Variants in ZNF333 observed in about 807,000 individuals in gnomAD.
The protein encoded by ZNF333 is zinc finger protein 333.
ZNF333 carries 61 observed loss-of-function variants against 76.1 expected under a neutral mutation model. The observed-to-expected ratio is 0.80, with a 90% confidence interval of 0.65 to 0.99. ZNF333 has a LOEUF of 0.99. Ranked by LOEUF, ZNF333 falls within the 50% of genes least tolerant of loss-of-function variation. The pLI is 0.00. For synonymous variants in ZNF333, 284 were observed against 305.0 expected (o/e 0.93, Z 0.72); for missense variants, 717 against 822.4 (o/e 0.87, Z 1.57).
chr19:14,706,487 C>T (rs2042113943), intron 6 of ZNF333, 199 bp from the exon 7 acceptor site: 1 of 586,940 alleles, frequency 1.7e-6, no homozygotes. Flanking sequence ...GCCCTCTCTC[C>T]AGGCCATTTT....
At chr19:14,716,944 CA>C in intron 9 of ZNF333, 49 bp from the exon 10 acceptor site, 1 of 1,532,628 alleles carries the variant, frequency 6.5e-7, no homozygotes. Context: ...GCCCTGGTGT[CA>C]GGGCATGGCA....
intron 8 of ZNF333, 53 bp downstream of exon 8, chr19:14,715,523 C>A: frequency 6.5e-7 from 1 of 1,540,676 alleles, no homozygotes; most frequent in Non-Finnish European, 8.9e-7. Context: ...AAAGGCTGGA[C>A]TTACCTTCTT....
At chr19:14,693,357 G>T in intron 1 of ZNF333, 94 bp from the exon 2 acceptor site, 1 of 905,314 alleles carries the variant, frequency 1.1e-6, no homozygotes, top group Non-Finnish European at 1.6e-6. Context: ...TGTCCTGTAA[G>T]GGTTTTGATT....
intron 4 of ZNF333, among the ~76,000 whole-genome samples, chr19:14,698,005 C>T (rs987261188): frequency 6.6e-6 from 1 of 152,172 alleles, no homozygotes; most frequent in Non-Finnish European, 1.5e-5. Flanking sequence ...TCATTTTCCC[C>T]TCATTCCTAT....
intron 5 of ZNF333, among the ~76,000 whole-genome samples, chr19:14,704,050 C>G (rs563531740): frequency 6.6e-6 from 1 of 152,292 alleles, no homozygotes; most frequent in South Asian, 2.1e-4. Context: ...CCTGAGGACT[C>G]TCTCCTTGGC....
chr19:14,702,244 A>T (rs1457054694), intron 5 of ZNF333, among the ~76,000 whole-genome samples: 1 of 152,182 alleles, frequency 6.6e-6, no homozygotes, highest in East Asian at 1.9e-4. Flanking sequence ...AGCCAGGCAC[A>T]GGGCCTCACC....
At chr19:14,729,340 G>A (rs1405767922) in intron 11 of ZNF333, among the ~76,000 whole-genome samples, 1 of 151,952 alleles carries the variant, frequency 6.6e-6, no homozygotes, top group Admixed American at 6.6e-5. Flanking sequence ...GGGTTGGGGA[G>A]ATGTTGGTCA....
intron 4 of ZNF333, 26 bp from the exon 5 acceptor site, chr19:14,699,173 T>C (rs1973500231): frequency 6.3e-7 from 1 of 1,581,546 alleles, no homozygotes; most frequent in Non-Finnish European, 8.7e-7. Context: ...CTGAAAGGAG[T>C]TCATTTTTTC....
At position 14,699,330 on chromosome 19, in the gene ZNF333, GA is replaced by G. The variant is rs754785847; in HGVS notation, c.306+51del. 6 of 1,517,976 alleles carry G rather than the reference GA, an allele frequency of 4.0e-6. No homozygotes were observed. The African/African-American group carries it at 8.2e-5, about 21-fold the overall frequency. 94.0% of individuals were successfully genotyped at this position (1,517,976 alleles called of 1,614,324 possible). On this transcript the variant is annotated intron_variant, in intron 5 of 11. Coordinates refer to ENST00000292530, the MANE Select transcript of ZNF333 (RefSeq NM_032433.4). ...GGCTCCCAGCATGGGAGAAGTTGAG[GA>G]ACACGTGAGGTGGAAATACAGGACC...
At chr19:14,728,642 G>A (rs980092067) in intron 11 of ZNF333, among the ~76,000 whole-genome samples, 2 of 152,166 alleles carry the variant, frequency 1.3e-5, no homozygotes, top group Non-Finnish European at 2.9e-5. Context: ...GACCTATGAC[G>A]ACAATGGAAA....
At position 14,716,976 on chromosome 19, in the gene ZNF333, T is replaced by C. The variant is rs750837730; in HGVS notation, c.728-18T>C. On this transcript the variant is annotated intron_variant, in intron 9 of 11. Coordinates refer to ENST00000292530, the MANE Select transcript of ZNF333 (RefSeq NM_032433.4). ...TGGCACAGTCCTCGCACAACATGTG[T>C]TTTTTTCTCATGAGCAGCTGATCAA... 6.9e-6 allele frequency: 11 copies of C among 1,602,732 alleles called. No homozygotes were observed. The highest frequency in any genetic ancestry group is 1.1e-5 in the South Asian group (1 of 89,318).
At chr19:14,727,807 C>T (rs2147045057) in intron 11 of ZNF333, among the ~76,000 whole-genome samples, 1 of 152,254 alleles carries the variant, frequency 6.6e-6, no homozygotes, top group South Asian at 2.1e-4. Context: ...CACCTTATAC[C>T]CTCTTGCCCA....
At chr19:14,700,583 G>A (rs780241142) in intron 5 of ZNF333, among the ~76,000 whole-genome samples, 15 of 152,166 alleles carry the variant, frequency 9.9e-5, no homozygotes, top group Non-Finnish European at 1.8e-4. Context: ...TACATTAATA[G>A]TACAGGAGAA....
In ZNF333 at chr19:14,715,432, G is replaced by A. The variant is rs780131912; in HGVS notation, c.562G>A (p.Glu188Lys). 4.3e-6 allele frequency: 7 copies of A among 1,614,104 alleles called. 1 individual carries two copies. The South Asian group carries it at 6.6e-5, about 15-fold the overall frequency. Reference protein sequence around the residue: ...AWLQEDKVEEEAMAPGLPTAC... With the variant: ...AWLQEDKVEEKAMAPGLPTAC... ...GCTTCAGGAGGACAAAGTGGAGGAA[G>A]AAGCTATGGCTCCTGGGCTGCCAAC... is the stretch of plus-strand genomic sequence containing the variant. Residue 188 changes from glutamate (E) to lysine (K), a missense_variant, in exon 8 of 12, where the codon GAA (glutamate) becomes AAA (lysine). Physicochemically the swap from Glu to Lys is moderately conservative, Grantham distance 56 (BLOSUM62 1). Transcript: ENST00000292530.
chr19:14,699,390 C>T, intron 5 of ZNF333, 109 bp downstream of exon 5: 2 of 956,128 alleles, frequency 2.1e-6, no homozygotes, highest in Non-Finnish European at 3.3e-6. Flanking sequence ...ATGGGTGTCT[C>T]TTGGAAGGGA....
intron 11 of ZNF333, among the ~76,000 whole-genome samples, chr19:14,727,696 C>T (rs2042642612): frequency 6.6e-6 from 1 of 152,140 alleles, no homozygotes; most frequent in Admixed American, 6.5e-5. Context: ...ATATCATGTA[C>T]CTATTAGTTA....
At chr19:14,702,452 C>A (rs566143509) in intron 5 of ZNF333, among the ~76,000 whole-genome samples, 1 of 152,184 alleles carries the variant, frequency 6.6e-6, no homozygotes, top group African/African-American at 2.4e-5. Flanking sequence ...CCCAGGAATT[C>A]AAGGCTGCAG....
At chr19:14,700,665 A>G (rs2041930054) in intron 5 of ZNF333, among the ~76,000 whole-genome samples, 1 of 152,102 alleles carries the variant, frequency 6.6e-6, no homozygotes, top group Non-Finnish European at 1.5e-5. Flanking sequence ...AGGACCTTCC[A>G]AAGTTTGAGT....
At position 14,715,488 on chromosome 19, in the gene ZNF333, G is replaced by A. The variant is rs2042404128; in HGVS notation, c.600+18G>A. ...GTTCACAGGTAGGTAAGAACTTCTTGTTCTAAAAGAACACTGCTGTGCCCA... is the reference window on the plus strand; with the variant it reads ...GTTCACAGGTAGGTAAGAACTTCTTATTCTAAAAGAACACTGCTGTGCCCA... On this transcript the variant is annotated intron_variant, in intron 8 of 11. Coordinates refer to ENST00000292530, the MANE Select transcript of ZNF333 (RefSeq NM_032433.4). 1 of 1,611,164 alleles carries A rather than the reference G, an allele frequency of 6.2e-7. No homozygotes were observed. Among genetic ancestry groups the A allele is most frequent in the Non-Finnish European group, 8.5e-7 (1 of 1,177,828 alleles).
Sources: gnomAD v4.1 joint callset for allele counts (sites outside exome capture counted in the v4.1 genomes callset) on GRCh38, gnomAD v4.1.1 for gene constraint, MANE v1.5 for transcripts, NCBI Gene and HGNC (gene_info 2026-07-23, HGNC 2026-07-21) for gene names.